The following DVL2 variants were observed in gnomAD, a reference collection of about 807,000 sequenced individuals.
DVL2 encodes the protein segment polarity protein dishevelled homolog DVL-2.
Under a neutral mutation model 69.8 loss-of-function variants are expected in DVL2, and 38 were observed. That is an observed-to-expected ratio of 0.54 (90% CI 0.42 to 0.71). The LOEUF (loss-of-function observed/expected upper bound fraction) is 0.71. DVL2 is among the 30% of genes least tolerant of loss of function. DVL2 has a pLI of 0.00. For missense variants in DVL2, 931 were observed against 1,008.1 expected (o/e 0.92, Z 1.04); for synonymous variants, 428 against 392.4 (o/e 1.09, Z -1.07).
chr17:7,228,598 T>TTTA, intron 9 of DVL2: 2 of 215,376 alleles, frequency 9.3e-6, no homozygotes, highest in Non-Finnish European at 1.9e-5. Flanking sequence ...TTTTTTTTTT[T>TTTA]GAGACGGAGT....
Position 7,226,214 on chromosome 17 carries a change from T to G in DVL2, c.1862A>C (p.Glu621Ala). 1 of 1,612,330 alleles carries G rather than the reference T, an allele frequency of 6.2e-7. No individual in the cohort carries two copies. Among genetic ancestry groups the G allele is most frequent in the Non-Finnish European group, 8.5e-7 (1 of 1,179,736 alleles). The change falls in exon 15 of 15, where the codon GAG becomes GCG. Residue 621 changes from glutamate to alanine, a missense_variant. Glu to Ala is a moderately radical substitution (Grantham distance 107). Coordinates refer to ENST00000005340, the MANE Select transcript of DVL2 (RefSeq NM_004422.3). ...APESKSGSGSESEPSSRGGSL... is the reference protein window; with the variant it reads ...APESKSGSGSASEPSSRGGSL... ...GCCCCCTCGGCTGGAGGGCTCAGAC[T>G]CACTGCCACTGCCGGACTTGGACTC...
At chr17:7,231,951 C>A (rs1204283044) in intron 1 of DVL2, among the ~76,000 whole-genome samples, 2 of 151,952 alleles carry the variant, frequency 1.3e-5, no homozygotes, top group African/African-American at 4.8e-5. Context: ...AGAGGGCAAG[C>A]TGGGGTTCCC....
intron 1 of DVL2, among the ~76,000 whole-genome samples, chr17:7,232,182 T>C (rs772567603): frequency 2.0e-5 from 3 of 152,192 alleles, no homozygotes; most frequent in Non-Finnish European, 4.4e-5. Flanking sequence ...CATTAACAAA[T>C]ACTGTCGACT....
intron 9 of DVL2, 189 bp from the exon 10 acceptor site, chr17:7,228,233 A>C: frequency 7.4e-6 from 4 of 541,508 alleles, no homozygotes; most frequent in Middle Eastern, 8.0e-4. Flanking sequence ...AAACTCTTAA[A>C]AACATACTGC....
At chr17:7,232,411 C>T (rs1182074291) in intron 1 of DVL2, among the ~76,000 whole-genome samples, 1 of 152,226 alleles carries the variant, frequency 6.6e-6, no homozygotes, top group Non-Finnish European at 1.5e-5. Flanking sequence ...ATGTAGGATT[C>T]TTCCCAACAT....
chr17:7,226,887 C>A, intron 13 of DVL2: 1 of 654,858 alleles, frequency 1.5e-6, no homozygotes. Context: ...GGACACAGTC[C>A]TGCACCTGGC....
intron 2 of DVL2, 94 bp downstream of exon 2, chr17:7,230,634 A>T: frequency 7.3e-7 from 1 of 1,378,448 alleles, no homozygotes; most frequent in Non-Finnish European, 1.0e-6. Context: ...AGGGCTGCTA[A>T]CGCGCGGCCT....
chr17:7,225,473 C>G lies in DVL2; in HGVS notation c.*392G>C, dbSNP rs1465484728. The G allele has an allele frequency of 2.4e-6, 1 of 424,538 alleles. No individual in the cohort carries two copies. The highest frequency in any genetic ancestry group is 4.3e-6 in the Non-Finnish European group (1 of 231,070). The allele number at this position is 424,538 out of a possible 1,614,324, so 26.3% of individuals were successfully genotyped here. A position where few individuals can be genotyped will look rare whatever the true frequency, so the allele number is the denominator to read the frequency against. ...GTCTAGGATGCCTAACCCCGGGGTA[C>G]CGCTGACCACCCCCAACCCTGCAAA... On this transcript the variant is annotated 3_prime_UTR_variant, in exon 15 of 15. Transcript: ENST00000005340.
At chr17:7,228,897 A>T in intron 9 of DVL2, 72 bp downstream of exon 9, 4 of 1,533,678 alleles carry the variant, frequency 2.6e-6, no homozygotes, top group South Asian at 2.2e-5. Flanking sequence ...AGTACTTATT[A>T]AAATTCCAAA....
At position 7,227,915 on chromosome 17, in the gene DVL2, G is replaced by A. The variant is rs568437108; in HGVS notation, c.1102+62C>T. 3.6e-5 allele frequency: 57 copies of A among 1,569,576 alleles called. 1 individual carries two copies. Among genetic ancestry groups the A allele is most frequent in the South Asian group, 8.3e-5 (7 of 83,954 alleles). ...ACCCATTCCCCATGACCACAGGCCC[G>A]GCCCCAGCCTCCTGGGCAGCCCCCA... On this transcript the variant is annotated intron_variant, in intron 10 of 14. Coordinates refer to ENST00000005340, the MANE Select transcript of DVL2 (RefSeq NM_004422.3).
rs1224574694 is a variant in DVL2 at position 7,228,658 on chromosome 17, G to A, written c.1034+311C>T. 4.6e-5 allele frequency: 15 copies of A among 324,416 alleles called. No homozygotes were observed. The East Asian group carries it at 9.6e-4, about 21-fold the overall frequency. The allele number at this position is 324,416 out of a possible 1,614,324, so 20.1% of individuals were successfully genotyped here. A position where few individuals can be genotyped will look rare whatever the true frequency, so the allele number is the denominator to read the frequency against. On this transcript the variant is annotated intron_variant, in intron 9 of 14. Transcript: ENST00000005340. ...TGCAGTGGCGTGATCTCGTTTCACT[G>A]CAACCTCCACCCCCCAGGGTTCAAG...
chr17:7,225,442 G>C lies in DVL2; in HGVS notation c.*423C>G. 2 of 440,692 alleles carry C rather than the reference G, an allele frequency of 4.5e-6. No homozygotes were observed. Among genetic ancestry groups the C allele is most frequent in the East Asian group, 4.8e-5 (1 of 20,940 alleles). 27.3% of individuals were successfully genotyped at this position (440,692 alleles called of 1,614,324 possible). On this transcript the variant is annotated 3_prime_UTR_variant, in exon 15 of 15. Coordinates refer to ENST00000005340, the MANE Select transcript of DVL2 (RefSeq NM_004422.3). ...GGCCCAAATCTCCCAGCTTCCTCAG[G>C]CTGCTGTCTAGGATGCCTAACCCCG...
chr17:7,233,999 T>C, intron 1 of DVL2, 70 bp downstream of exon 1: 1 of 1,532,338 alleles, frequency 6.5e-7, no homozygotes, highest in Non-Finnish European at 9.0e-7. Flanking sequence ...AAAGTAGACG[T>C]GTGCCCCTCC....
chr17:7,233,828 T>C (rs924587700), intron 1 of DVL2: 9 of 585,972 alleles, frequency 1.5e-5, no homozygotes, highest in Non-Finnish European at 2.4e-5. Flanking sequence ...CCCCCACCTA[T>C]TCCAGTAAAG....
chr17:7,227,602 C>G, intron 11 of DVL2, 53 bp downstream of exon 11: 1 of 1,614,104 alleles, frequency 6.2e-7, no homozygotes. Flanking sequence ...GATCAGACCA[C>G]TGCGGGACAG....
At chr17:7,234,044 G>A (rs538389653) in intron 1 of DVL2, 25 bp downstream of exon 1, 5 of 1,611,740 alleles carry the variant, frequency 3.1e-6, no homozygotes, top group African/African-American at 2.7e-5. Context: ...AGCCCCCGCC[G>A]GTCCTATCTA....
In DVL2 at chr17:7,234,044, G is replaced by C. The variant is rs538389653; in HGVS notation, c.194+25C>G. 9.3e-6 allele frequency: 15 copies of C among 1,611,858 alleles called. No individual in the cohort carries two copies. The African/African-American group carries it at 1.3e-4, about 14-fold the overall frequency. On this transcript the variant is annotated intron_variant, in intron 1 of 14. Coordinates refer to ENST00000005340, the MANE Select transcript of DVL2 (RefSeq NM_004422.3). ...AATCCACTCTAGCAAAGCCCCCGCCGGTCCTATCTAGGCCTTGCGCTCACC... is the reference window on the plus strand; with the variant it reads ...AATCCACTCTAGCAAAGCCCCCGCCCGTCCTATCTAGGCCTTGCGCTCACC...
chr17:7,231,253 C>G (rs2071538296), intron 1 of DVL2, among the ~76,000 whole-genome samples: 1 of 151,860 alleles, frequency 6.6e-6, no homozygotes, highest in African/African-American at 2.4e-5. Flanking sequence ...CACCTGAGGT[C>G]AGGAGTTCAA....
intron 1 of DVL2, among the ~76,000 whole-genome samples, chr17:7,232,043 G>A (rs2071550706): frequency 6.6e-6 from 1 of 152,158 alleles, no homozygotes; most frequent in Non-Finnish European, 1.5e-5. Context: ...CAGCCTTGGG[G>A]TCATCTCTCC....
Sources: gnomAD v4.1 joint callset for allele counts (sites outside exome capture counted in the v4.1 genomes callset) on GRCh38, gnomAD v4.1.1 for gene constraint, MANE v1.5 for transcripts, NCBI Gene and HGNC (gene_info 2026-07-23, HGNC 2026-07-21) for gene names.